Variants in RRBP1 observed in about 807,000 individuals in gnomAD.
RRBP1 encodes the protein ribosome-binding protein 1.
Under a neutral mutation model 165.2 loss-of-function variants are expected in RRBP1, and 94 were observed. The observed-to-expected ratio is 0.57, with a 90% CI of 0.48 to 0.68. The LOEUF (loss-of-function observed/expected upper bound fraction) is 0.68. RRBP1 is among the 30% of genes least tolerant of loss of function. The probability of loss-of-function intolerance (pLI) is 0.00; values close to 1 mark genes in which losing one functional copy is unlikely to be tolerated. For synonymous variants in RRBP1, 680 were observed against 714.5 expected (o/e 0.95, Z 0.77); for missense variants, 1,676 against 1,763.0 (o/e 0.95, Z 0.88).
chr20:17,616,871 ACAGC>A, intron 20 of RRBP1, 32 bp from the exon 21 acceptor site: 1 of 1,527,460 alleles, frequency 6.5e-7, no homozygotes. Flanking sequence ...TTGCAAATGC[ACAGC>A]CAGTCGCACA....
chr20:17,620,610 C>A (rs745346935), intron 17 of RRBP1, 105 bp downstream of exon 17: 5 of 919,158 alleles, frequency 5.4e-6, no homozygotes, highest in Non-Finnish European at 8.6e-6. Flanking sequence ...TGGAAAAGCC[C>A]CACCGAGACA....
chr20:17,650,380 T>C (rs2036533462), intron 3 of RRBP1, among the ~76,000 whole-genome samples: 1 of 152,172 alleles, frequency 6.6e-6, no homozygotes, highest in Non-Finnish European at 1.5e-5. Context: ...CAATGGTCTC[T>C]CTGGCCACAG....
rs754021438 is a variant in RRBP1, at chr20:17,614,771, G to A, written c.4160C>T (p.Thr1387Met). 1.8e-5 allele frequency: 29 copies of A among 1,613,248 alleles called. No homozygotes were observed. The highest frequency in any genetic ancestry group is 5.3e-5 in the African/African-American group (4 of 74,948). The change falls in exon 24 of 25, where the codon ACG (threonine) becomes ATG (methionine). Residue 1387 changes from threonine (T) to methionine (M), a missense_variant. Thr to Met is a moderately conservative substitution (Grantham distance 81). Transcript: ENST00000377813. ...TQEQLAREKD[T>M]VKKLQEQLEK... ...CAGCTGTTCCTGCAGCTTCTTCACCGTGTCCTTCTCCCTTGCCAGCTGCTC... is the reference window on the plus strand; with the variant it reads ...CAGCTGTTCCTGCAGCTTCTTCACCATGTCCTTCTCCCTTGCCAGCTGCTC...
At chr20:17,657,481 ACCT>A (rs1312607539) in intron 3 of RRBP1, among the ~76,000 whole-genome samples, 3 of 152,104 alleles carry the variant, frequency 2.0e-5, no homozygotes, top group East Asian at 3.9e-4. Flanking sequence ...AACATTTCAC[ACCT>A]CCTAAGATAC....
Position 17,649,626 on chromosome 20 carries a change from T to A in RRBP1, c.1913-6499A>T, listed in dbSNP as rs564997211. Among the ~76,000 whole-genome samples, 12 of 151,952 alleles carry A rather than the reference T, an allele frequency of 7.9e-5. No homozygotes were observed. In the South Asian group the frequency reaches 2.1e-3, roughly 26 times the overall value. Reference sequence around the variant, plus strand: ...GTGAGGAGCTGGGAGCAAGGGGTGTTCCCATCACGAAGTCAAATTGTTTAA... The same window carrying A: ...GTGAGGAGCTGGGAGCAAGGGGTGTACCCATCACGAAGTCAAATTGTTTAA... On this transcript the variant is annotated intron_variant, in intron 3 of 24. Coordinates refer to ENST00000377813, the MANE Select transcript of RRBP1 (RefSeq NM_001365613.2).
chr20:17,641,483 G>A (rs1009158583), intron 5 of RRBP1: 3 of 390,154 alleles, frequency 7.7e-6, no homozygotes, highest in African/African-American at 4.1e-5. Flanking sequence ...CCTGTCTAGT[G>A]AAAGCCAGGT....
rs564693971 is a variant in RRBP1, at chr20:17,673,177, G to C, written c.-22+6822C>G. Among the ~76,000 whole-genome samples, 51 of 152,330 alleles carry C rather than the reference G, an allele frequency of 3.3e-4. No homozygotes were observed. In the South Asian group the frequency reaches 8.5e-3, roughly 25 times the overall value. On this transcript the variant is annotated intron_variant, in intron 2 of 24. Transcript: ENST00000377813. The stretch of plus-strand genomic sequence containing the variant: ...ATTTCCTTGGAAAACGCGCCCCACA[G>C]ATCCTGGAGGAGGAGCATCTTTAAG...
rs1051954 is a variant in RRBP1 at position 17,627,588 on chromosome 20, C to A, written c.2844G>T (p.Ala948=). The A allele has an allele frequency of 6.2e-7, 1 of 1,613,566 alleles. No homozygotes were observed. Among genetic ancestry groups the A allele is most frequent in the South Asian group, 1.1e-5 (1 of 91,070 alleles). Residue 948 remains alanine, a synonymous_variant, in exon 10 of 25, where the codon GCG becomes GCT. Coordinates refer to ENST00000377813, the MANE Select transcript of RRBP1 (RefSeq NM_001365613.2). The stretch of plus-strand genomic sequence containing the variant: ...TTCTCTCTGTGAGCTGGGAGTTCTC[C>A]GCCCTGGCCTCCTGGAGCTGCCCGT... ...GLHGQLQEAR[A]ENSQLTERIR... is the part of the protein sequence containing the mutation.
At chr20:17,624,001 C>T (rs912690051) in intron 13 of RRBP1, among the ~76,000 whole-genome samples, 2 of 152,110 alleles carry the variant, frequency 1.3e-5, no homozygotes, top group African/African-American at 4.8e-5. Context: ...GCAGGATTAC[C>T]CGACAAAAGG....
chr20:17,680,534 A>T (rs1414612220), intron 1 of RRBP1, among the ~76,000 whole-genome samples: 1 of 151,796 alleles, frequency 6.6e-6, no homozygotes, highest in East Asian at 1.9e-4. Context: ...GTCTCTCCTA[A>T]CCTCTGACCT....
chr20:17,670,523 T>A (rs6080772), intron 2 of RRBP1, among the ~76,000 whole-genome samples: 18,079 of 151,970 alleles, frequency 0.12, 1,383 homozygotes, highest in Middle Eastern at 0.24. Context: ...AATTCTATTA[T>A]CCCTTCCAAC....
chr20:17,627,477 C>A, intron 10 of RRBP1, 27 bp downstream of exon 10: 1 of 1,605,380 alleles, frequency 6.2e-7, no homozygotes, highest in Non-Finnish European at 8.5e-7. Context: ...TCCCTTTCCT[C>A]CCCGTGGCCC....
chr20:17,615,626 C>A, intron 22 of RRBP1, 97 bp from the exon 23 acceptor site: 1 of 927,190 alleles, frequency 1.1e-6, no homozygotes, highest in South Asian at 1.9e-5. Flanking sequence ...GGGGGCCCCC[C>A]CAGCCTGATG....
chr20:17,640,166 T>C (rs982733127), intron 5 of RRBP1, among the ~76,000 whole-genome samples: 6 of 152,200 alleles, frequency 3.9e-5, no homozygotes, highest in African/African-American at 1.4e-4. Flanking sequence ...GCCACCAGGC[T>C]TGAGGTCTGA....
chr20:17,650,587 G>A (rs142631898), intron 3 of RRBP1, among the ~76,000 whole-genome samples: 7 of 152,342 alleles, frequency 4.6e-5, no homozygotes, highest in African/African-American at 1.7e-4. Flanking sequence ...CCTGAGTGAC[G>A]TGCTAGCAGA....
chr20:17,659,049 T>A lies in RRBP1; in HGVS notation c.1459A>T (p.Asn487Tyr), dbSNP rs955009395. 1.2e-5 allele frequency: 18 copies of A among 1,557,122 alleles called. No individual in the cohort carries two copies. In the Admixed American group the frequency reaches 3.3e-4, roughly 29 times the overall value. The change falls in exon 3 of 25, where the codon AAC (asparagine) becomes TAC (tyrosine). Residue 487 changes from asparagine to tyrosine, a missense_variant. Around this residue, in one of 5 missense-constraint regions of RRBP1, gnomAD observed 18 missense variants for 38.8 expected, o/e 0.46. Transcript: ENST00000377813. ...GCCCCCTCGGCCTTCTTGCCCTGGTTCTGGGCCCCCTCAGCCTTCTTGCCC... is the reference window on the plus strand; with the variant it reads ...GCCCCCTCGGCCTTCTTGCCCTGGTACTGGGCCCCCTCAGCCTTCTTGCCC... ...NQGKKAEGAQNQGKKAEGAQN... is the reference protein window; with the variant it reads ...NQGKKAEGAQYQGKKAEGAQN...
At chr20:17,665,034 A>T (rs2036841843) in intron 2 of RRBP1, among the ~76,000 whole-genome samples, 1 of 152,192 alleles carries the variant, frequency 6.6e-6, no homozygotes, top group African/African-American at 2.4e-5. Context: ...AGGTTTACCA[A>T]ACCCTAACAT....
chr20:17,631,379 C>T (rs1169470769), intron 8 of RRBP1, among the ~76,000 whole-genome samples: 4 of 152,346 alleles, frequency 2.6e-5, no homozygotes, highest in South Asian at 2.1e-4. Context: ...CATGTTCTTC[C>T]GTTTGTTACT....
At chr20:17,647,852 C>G (rs960651240) in intron 3 of RRBP1, among the ~76,000 whole-genome samples, 1 of 152,226 alleles carries the variant, frequency 6.6e-6, no homozygotes, top group Non-Finnish European at 1.5e-5. Flanking sequence ...TGACTCCAGA[C>G]AGTGCAGACC....
Sources: gnomAD v4.1 joint callset for allele counts (sites outside exome capture counted in the v4.1 genomes callset) on GRCh38, gnomAD v4.1.1 for gene constraint, gnomAD v4.1.1 regional missense constraint, MANE v1.5 for transcripts, NCBI Gene and HGNC (gene_info 2026-07-23, HGNC 2026-07-21) for gene names.